Variants in TLE4 observed in about 807,000 individuals in gnomAD.
The protein encoded by TLE4 is transducin-like enhancer protein 4.
In TLE4, 8 loss-of-function variants were observed where a neutral mutation model predicts 92.8. The ratio of observed to expected loss-of-function variants is 0.09; its 90% confidence interval spans 0.05 to 0.16. TLE4 has a LOEUF of 0.16. TLE4 is among the 10% of genes least tolerant of loss of function. The probability of loss-of-function intolerance (pLI) is 1.00; values close to 1 mark genes in which losing one functional copy is unlikely to be tolerated. For missense variants in TLE4, 675 were observed against 997.6 expected (o/e 0.68, Z 4.36); for synonymous variants, 371 against 374.1 (o/e 0.99, Z 0.10).
In TLE4 at chr9:79,654,178, T is replaced by G. The variant is rs1033018473; in HGVS notation, c.609+103T>G. On this transcript the variant is annotated intron_variant, in intron 8 of 19. Transcript: ENST00000376552. ...TTTGAGATTTAGAGAATGATTTCAT[T>G]GGTTAGTAGTGGTTAACTGCATTTT... is the stretch of plus-strand genomic sequence containing the variant. The G allele has an allele frequency of 3.4e-6, 4 of 1,173,650 alleles. No individual in the cohort carries two copies. The African/African-American group carries it at 6.2e-5, about 18-fold the overall frequency. 72.7% of individuals were successfully genotyped at this position (1,173,650 alleles called of 1,614,324 possible). A position where few individuals can be genotyped will look rare whatever the true frequency, so the allele number is the denominator to read the frequency against.
chr9:79,721,488 AAT>A (rs1441358790), intron 16 of TLE4, among the ~76,000 whole-genome samples: 2 of 152,184 alleles, frequency 1.3e-5, no homozygotes, highest in African/African-American at 2.4e-5. Flanking sequence ...TCCCATTAGT[AAT>A]ATCAGTCATG....
At chr9:79,630,840 T>C (rs2053980497) in intron 6 of TLE4, among the ~76,000 whole-genome samples, 1 of 152,130 alleles carries the variant, frequency 6.6e-6, no homozygotes, top group South Asian at 2.1e-4. Flanking sequence ...CTCATAAGAA[T>C]TTCACCAAAG....
chr9:79,662,728 G>A lies in TLE4; in HGVS notation c.609+8653G>A, dbSNP rs142062533. ...TATGGAAATCCTATTAAGGGGCCCCGGGTTCCTGTCAGTCAGGAAACCCGT... is the reference window on the plus strand; with the variant it reads ...TATGGAAATCCTATTAAGGGGCCCCAGGTTCCTGTCAGTCAGGAAACCCGT... On this transcript the variant is annotated intron_variant, in intron 8 of 19. Coordinates refer to ENST00000376552, the MANE Select transcript of TLE4 (RefSeq NM_007005.6). Among the ~76,000 whole-genome samples the A allele has an allele frequency of 5.2e-3, 784 of 152,210 alleles. 2 individuals are homozygous for A. Among genetic ancestry groups the A allele is most frequent in the Non-Finnish European group, 8.3e-3 (563 of 67,996 alleles).
intron 4 of TLE4, among the ~76,000 whole-genome samples, chr9:79,603,509 TTG>T (rs898070273): frequency 1.4e-4 from 22 of 152,134 alleles, no homozygotes; most frequent in African/African-American, 5.1e-4. Flanking sequence ...TTATGGTGTA[TTG>T]TGTGTGTGTT....
chr9:79,589,966 G>A (rs1218055513), intron 4 of TLE4, among the ~76,000 whole-genome samples: 1 of 152,154 alleles, frequency 6.6e-6, no homozygotes, highest in East Asian at 1.9e-4. Flanking sequence ...AGTAACCTGA[G>A]TCCACAATAT....
At chr9:79,687,745 A>G (rs1027457037) in intron 8 of TLE4, among the ~76,000 whole-genome samples, 100 of 152,142 alleles carry the variant, frequency 6.6e-4, no homozygotes, top group African/African-American at 2.0e-3. Context: ...TGAGCCTCCT[A>G]TAAGAGGCAG....
intron 8 of TLE4, among the ~76,000 whole-genome samples, chr9:79,683,819 C>T (rs1187660487): frequency 6.6e-6 from 1 of 152,160 alleles, no homozygotes; most frequent in Non-Finnish European, 1.5e-5. Flanking sequence ...GTTCTGTTTG[C>T]TCATTAACAT....
intron 6 of TLE4, among the ~76,000 whole-genome samples, chr9:79,646,589 G>C (rs2058136239): frequency 6.6e-6 from 1 of 152,106 alleles, no homozygotes; most frequent in Admixed American, 6.6e-5. Flanking sequence ...TTTCTAATAT[G>C]TTTTATTGAC....
rs999243161 is a variant in TLE4, at chr9:79,646,085, A to AT, written c.391-6500dup. 2.9e-3 allele frequency among the ~76,000 whole-genome samples: 432 copies of AT among 146,862 alleles called. 6 individuals carry two copies. In the South Asian group the frequency reaches 0.032, roughly 11 times the overall value. ...TCTTCTAAAGCCTATATATATATAT[A>AT]TTTTTTTTAACCTGCTAGTTTATAA... On this transcript the variant is annotated intron_variant, in intron 6 of 19. Transcript: ENST00000376552.
intron 3 of TLE4, 137 bp from the exon 4 acceptor site, chr9:79,575,996 T>G: frequency 2.0e-6 from 1 of 490,516 alleles, no homozygotes; most frequent in Non-Finnish European, 3.5e-6. Context: ...TCTTGATTTA[T>G]TGGCATAGGT....
At chr9:79,595,332 ATTTC>A (rs775065658) in intron 4 of TLE4, among the ~76,000 whole-genome samples, 10 of 152,346 alleles carry the variant, frequency 6.6e-5, no homozygotes, top group Admixed American at 1.3e-4. Context: ...TCTGTGAACT[ATTTC>A]TTAAAGATGG....
chr9:79,690,779 C>CTTTTTTTT (rs35528090), intron 8 of TLE4, among the ~76,000 whole-genome samples: 57 of 54,166 alleles, frequency 1.1e-3, no homozygotes, highest in African/African-American at 2.7e-3. Flanking sequence ...CCACTCCTGG[C>CTTTTTTTT]TTTTTTTTTT....
intron 8 of TLE4, among the ~76,000 whole-genome samples, chr9:79,694,079 G>A (rs1462039033): frequency 6.6e-6 from 1 of 152,182 alleles, no homozygotes; most frequent in African/African-American, 2.4e-5. Flanking sequence ...CCACCAGCAA[G>A]ACAGAGTATT....
intron 4 of TLE4, among the ~76,000 whole-genome samples, chr9:79,596,786 A>G (rs2044138574): frequency 6.6e-6 from 1 of 152,164 alleles, no homozygotes; most frequent in African/African-American, 2.4e-5. Context: ...TCAGCCAGAT[A>G]TGGGGCAGCC....
chr9:79,585,459 A>T (rs2040821400), intron 4 of TLE4, among the ~76,000 whole-genome samples: 1 of 152,142 alleles, frequency 6.6e-6, no homozygotes, highest in African/African-American at 2.4e-5. Context: ...CAAATGCTTG[A>T]CTGATTCCGG....
intron 4 of TLE4, among the ~76,000 whole-genome samples, chr9:79,595,251 T>C (rs555877887): frequency 6.6e-6 from 1 of 152,306 alleles, no homozygotes; most frequent in Non-Finnish European, 1.5e-5. Context: ...AATAAGAAAT[T>C]ATAGTTTGCG....
chr9:79,681,482 T>C (rs1346676738), intron 8 of TLE4, among the ~76,000 whole-genome samples: 2 of 152,178 alleles, frequency 1.3e-5, no homozygotes, highest in African/African-American at 4.8e-5. Context: ...TCTTTCCTTA[T>C]AGAGTGACAG....
At chr9:79,702,797 C>A (rs2070336318) in intron 8 of TLE4, among the ~76,000 whole-genome samples, 1 of 152,160 alleles carries the variant, frequency 6.6e-6, no homozygotes, top group Non-Finnish European at 1.5e-5. Flanking sequence ...CAAACTCCCA[C>A]CTGCACATCT....
intron 8 of TLE4, among the ~76,000 whole-genome samples, chr9:79,670,127 T>C (rs147456950): frequency 6.7e-6 from 1 of 149,958 alleles, no homozygotes; most frequent in African/African-American, 2.5e-5. Context: ...ATCGTGCAAG[T>C]AGAAAACTTG....
Sources: gnomAD v4.1 joint callset for allele counts (sites outside exome capture counted in the v4.1 genomes callset) on GRCh38, gnomAD v4.1.1 for gene constraint, MANE v1.5 for transcripts, NCBI Gene and HGNC (gene_info 2026-07-23, HGNC 2026-07-21) for gene names.